MAGED1: variants seen among roughly 807,000 people sequenced by gnomAD.
MAGED1 encodes the protein melanoma-associated antigen D1.
A neutral mutation model predicts 54.1 loss-of-function variants in MAGED1; 3 were observed. That is an observed-to-expected ratio of 0.06 (90% CI 0.03 to 0.14). The LOEUF (loss-of-function observed/expected upper bound fraction) is 0.14. Ranked by LOEUF, MAGED1 falls within the 10% of genes least tolerant of loss-of-function variation. The pLI is 1.00. For synonymous variants in MAGED1, 217 were observed against 227.3 expected, an observed-to-expected ratio of 0.95 and a Z score of 0.41; for missense variants, 485 against 623.4, an observed-to-expected ratio of 0.78 and a Z score of 2.36.
intron 1 of MAGED1, among the ~76,000 whole-genome samples, chrX:51,887,371 C>T (rs1371640491): frequency 3.6e-5 from 4 of 110,490 alleles, no homozygotes; most frequent in Non-Finnish European, 7.6e-5. Flanking sequence ...ACAAAAGAAC[C>T]AGAATAATAC....
chrX:51,829,703 T>C (rs1395928908), intron 1 of MAGED1, among the ~76,000 whole-genome samples: 2 of 111,299 alleles, frequency 1.8e-5, no homozygotes, highest in Non-Finnish European at 3.8e-5. Flanking sequence ...AATAAATACA[T>C]TGAAATGTGG....
chrX:51,809,716 G>A (rs1178788851), intron 1 of MAGED1, among the ~76,000 whole-genome samples: 6 of 110,493 alleles, frequency 5.4e-5, no homozygotes, highest in Non-Finnish European at 9.5e-5. Flanking sequence ...TCATTTCAGG[G>A]TGTTTGTCGG....
At chrX:51,881,239 A>G (rs782720636) in intron 1 of MAGED1, among the ~76,000 whole-genome samples, 3 of 110,067 alleles carry the variant, frequency 2.7e-5, no homozygotes, top group South Asian at 8.0e-4. Context: ...TGACCTTATT[A>G]CCTCCCAAAG....
At position 51,898,386 on chromosome X, in the gene MAGED1, G is replaced by A. The variant is rs1602275373; in HGVS notation, c.1781+59G>A. The A allele has an allele frequency of 3.4e-6, 4 of 1,173,377 alleles. No homozygotes were observed. The East Asian group carries it at 1.2e-4, about 35-fold the overall frequency. The stretch of plus-strand genomic sequence containing the variant: ...GTGCCATCCTTTGGCAACAGTGGAT[G>A]GTCCCAGGATTGCATTAACCTGGGG... On this transcript the variant is annotated intron_variant, in intron 9 of 12. Transcript: ENST00000326587.
intron 1 of MAGED1, among the ~76,000 whole-genome samples, chrX:51,825,219 C>T (rs1179314009): frequency 9.1e-6 from 1 of 110,243 alleles, no homozygotes. Flanking sequence ...ATGGAATTTC[C>T]AGAGAGGGAG....
chrX:51,854,887 G>A (rs892765332), intron 1 of MAGED1, among the ~76,000 whole-genome samples: 5 of 111,156 alleles, frequency 4.5e-5, no homozygotes, highest in South Asian at 3.8e-4. Context: ...ATCTCTTACC[G>A]TCTACGTTCT....
intron 1 of MAGED1, among the ~76,000 whole-genome samples, chrX:51,840,180 A>C (rs1185247126): frequency 9.0e-6 from 1 of 111,596 alleles, no homozygotes; most frequent in Non-Finnish European, 1.9e-5. Flanking sequence ...TCTTCCCACT[A>C]TTTGTTTTAT....
chrX:51,819,574 C>A (rs1163478070), intron 1 of MAGED1, among the ~76,000 whole-genome samples: 1 of 110,790 alleles, frequency 9.0e-6, no homozygotes, highest in African/African-American at 3.3e-5. Flanking sequence ...AACGTATTTC[C>A]ATGTCCTTAT....
At chrX:51,867,474 A>G (rs1482227043) in intron 1 of MAGED1, among the ~76,000 whole-genome samples, 1 of 111,962 alleles carries the variant, frequency 8.9e-6, no homozygotes, top group Non-Finnish European at 1.9e-5. Context: ...GGAAGCATCC[A>G]GCACGAGAGA....
intron 1 of MAGED1, among the ~76,000 whole-genome samples, chrX:51,803,328 C>T (rs1358329181): frequency 9.0e-6 from 1 of 110,547 alleles, no homozygotes; most frequent in African/African-American, 3.3e-5. Flanking sequence ...TGCCTCACCT[C>T]CTCACTCTGG....
intron 1 of MAGED1, among the ~76,000 whole-genome samples, chrX:51,883,547 G>A (rs955870201): frequency 1.8e-5 from 2 of 112,142 alleles, no homozygotes; most frequent in Non-Finnish European, 1.9e-5. Flanking sequence ...AACATAATAT[G>A]CAAAAATATC....
intron 1 of MAGED1, among the ~76,000 whole-genome samples, chrX:51,808,724 A>G (rs1282725438): frequency 8.9e-6 from 1 of 111,813 alleles, no homozygotes; most frequent in Non-Finnish European, 1.9e-5. Context: ...AAAAAATAGT[A>G]AAATAAACAT....
At chrX:51,849,077 T>C (rs1319037052) in intron 1 of MAGED1, among the ~76,000 whole-genome samples, 2 of 110,514 alleles carry the variant, frequency 1.8e-5, no homozygotes, top group Admixed American at 9.7e-5. Context: ...GGAATTTCTT[T>C]TTGTAGAAAA....
chrX:51,821,991 G>T (rs1422998067), intron 1 of MAGED1, among the ~76,000 whole-genome samples: 3 of 111,538 alleles, frequency 2.7e-5, no homozygotes, highest in African/African-American at 6.5e-5. Flanking sequence ...CTTGTATTTT[G>T]TTGAGGATTA....
intron 1 of MAGED1, among the ~76,000 whole-genome samples, chrX:51,852,773 G>C (rs1201028248): frequency 4.5e-5 from 5 of 111,927 alleles, no homozygotes; most frequent in Admixed American, 1.9e-4. Context: ...ATCTTTCTGA[G>C]TTTCCTTTTG....
At chrX:51,863,600 G>A (rs1927358377) in intron 1 of MAGED1, among the ~76,000 whole-genome samples, 1 of 111,835 alleles carries the variant, frequency 8.9e-6, no homozygotes, top group African/African-American at 3.2e-5. Flanking sequence ...CACCAACAAT[G>A]TATAAAGGTT....
At chrX:51,890,860 T>A (rs1458523239), upstream of MAGED1, among the ~76,000 whole-genome samples, 1 of 107,984 alleles carries the variant, frequency 9.3e-6, no homozygotes, top group Admixed American at 9.9e-5. Flanking sequence ...GGAAAAGTCT[T>A]GTAGAGTATG....
At chrX:51,832,817 A>C (rs782128614) in intron 1 of MAGED1, among the ~76,000 whole-genome samples, 3 of 111,415 alleles carry the variant, frequency 2.7e-5, no homozygotes, top group Non-Finnish European at 5.6e-5. Flanking sequence ...GATATCAAGG[A>C]GATAGGTAGG....
intron 1 of MAGED1, among the ~76,000 whole-genome samples, chrX:51,818,828 C>A (rs1188891851): frequency 8.9e-6 from 1 of 112,035 alleles, no homozygotes; most frequent in Non-Finnish European, 1.9e-5. Context: ...AAATGTAAAT[C>A]AAGTTAACAC....
Sources: gnomAD v4.1 joint callset for allele counts (sites outside exome capture counted in the v4.1 genomes callset) on GRCh38, gnomAD v4.1.1 for gene constraint, MANE v1.5 for transcripts, NCBI Gene and HGNC (gene_info 2026-07-23, HGNC 2026-07-21) for gene names.